ANKRD6: variants seen among roughly 807,000 people sequenced by gnomAD.
The protein encoded by ANKRD6 is ankyrin repeat domain 6.
In ANKRD6, 56 loss-of-function variants were observed where a neutral mutation model predicts 82.3. The ratio of observed to expected loss-of-function variants is 0.68; its 90% CI spans 0.55 to 0.85. ANKRD6 has a LOEUF of 0.85. ANKRD6 is among the 40% of genes least tolerant of loss of function. The pLI is 0.00. For missense variants in ANKRD6, 852 were observed against 907.6 expected, an observed-to-expected ratio of 0.94 and a Z score of 0.79; for synonymous variants, 347 against 352.1, an observed-to-expected ratio of 0.99 and a Z score of 0.16.
At chr6:89,598,182 T>G (rs565623794) in intron 3 of ANKRD6, 24 of 985,292 alleles carry the variant, frequency 2.4e-5, no homozygotes, top group Non-Finnish European at 2.9e-5. Flanking sequence ...AATTTCAACC[T>G]GTGGAAACCA....
At chr6:89,477,697 G>C (rs1776217801) in intron 1 of ANKRD6, among the ~76,000 whole-genome samples, 1 of 150,808 alleles carries the variant, frequency 6.6e-6, no homozygotes, top group South Asian at 2.1e-4. Context: ...CATGAACCCG[G>C]GGGGTGGAGC....
chr6:89,621,793 A>T (rs759371127), intron 9 of ANKRD6, 129 bp from the exon 10 acceptor site: 3 of 877,488 alleles, frequency 3.4e-6, no homozygotes, highest in Middle Eastern at 2.1e-4. Context: ...TGCTTGCTTG[A>T]TGTGAACACC....
At chr6:89,488,085 CTGG>C (rs1280229613) in intron 1 of ANKRD6, among the ~76,000 whole-genome samples, 1 of 152,162 alleles carries the variant, frequency 6.6e-6, no homozygotes, top group Non-Finnish European at 1.5e-5. Flanking sequence ...TACCAAGTGC[CTGG>C]TGGTGACTCA....
chr6:89,519,822 T>C (rs755290097), intron 1 of ANKRD6, among the ~76,000 whole-genome samples: 4 of 152,238 alleles, frequency 2.6e-5, no homozygotes, highest in Admixed American at 6.5e-5. Context: ...ATCATCTCTT[T>C]AGAAATGCTA....
intron 2 of ANKRD6, among the ~76,000 whole-genome samples, chr6:89,583,084 C>G (rs1004828304): frequency 2.0e-5 from 3 of 152,124 alleles, no homozygotes; most frequent in Admixed American, 6.5e-5. Flanking sequence ...TTTAGTTGGT[C>G]TGGGATATGG....
chr6:89,612,167 A>G, intron 5 of ANKRD6, 105 bp from the exon 6 acceptor site: 1 of 966,174 alleles, frequency 1.0e-6, no homozygotes, highest in African/African-American at 1.6e-5. Context: ...AGAGAATGTG[A>G]GCGTTGCCTT....
chr6:89,554,945 G>A (rs547167382), intron 1 of ANKRD6, among the ~76,000 whole-genome samples: 390 of 152,132 alleles, frequency 2.6e-3, no homozygotes, highest in Non-Finnish European at 4.6e-3. Context: ...TTCATATCCT[G>A]GTTTTCTTTC....
intron 1 of ANKRD6, among the ~76,000 whole-genome samples, chr6:89,501,541 C>T (rs1779260090): frequency 6.6e-6 from 1 of 152,212 alleles, no homozygotes; most frequent in African/African-American, 2.4e-5. Context: ...TTATTCACAG[C>T]GTGGCTTTTA....
At chr6:89,504,563 GTTAAA>G (rs1779629633) in intron 1 of ANKRD6, among the ~76,000 whole-genome samples, 1 of 145,714 alleles carries the variant, frequency 6.9e-6, no homozygotes, top group South Asian at 2.2e-4. Context: ...TACCCGCCTG[GTTAAA>G]TTAAAAAAAA....
At chr6:89,438,278 C>T (rs1419088826) in intron 1 of ANKRD6, among the ~76,000 whole-genome samples, 1 of 152,210 alleles carries the variant, frequency 6.6e-6, no homozygotes, top group Non-Finnish European at 1.5e-5. Flanking sequence ...TCCTGGGTAG[C>T]TGTCCTTCAG....
At chr6:89,502,934 G>A (rs1014546085) in intron 1 of ANKRD6, among the ~76,000 whole-genome samples, 1 of 152,118 alleles carries the variant, frequency 6.6e-6, no homozygotes, top group Non-Finnish European at 1.5e-5. Flanking sequence ...CTTTGCTGCA[G>A]CTGCTTCTAT....
At chr6:89,621,678 A>C in intron 9 of ANKRD6, 1 of 507,414 alleles carries the variant, frequency 2.0e-6, no homozygotes, top group Non-Finnish European at 3.6e-6. Context: ...AGTTATTATC[A>C]TCATAGACTT....
chr6:89,493,340 A>G (rs936022862), intron 1 of ANKRD6, among the ~76,000 whole-genome samples: 1 of 151,632 alleles, frequency 6.6e-6, no homozygotes, highest in Non-Finnish European at 1.5e-5. Context: ...CTCTGCCTTC[A>G]TCTTTACTTC....
intron 1 of ANKRD6, among the ~76,000 whole-genome samples, chr6:89,501,471 CT>C (rs1361225178): frequency 6.6e-6 from 1 of 152,166 alleles, no homozygotes; most frequent in Non-Finnish European, 1.5e-5. Flanking sequence ...CTTAAACATT[CT>C]TTAGAAACAC....
At position 89,463,708 on chromosome 6, in the gene ANKRD6, C is replaced by T. The variant is rs1774485785; in HGVS notation, c.-144+30333C>T. Among the ~76,000 whole-genome samples the T allele has an allele frequency of 2.0e-5, 3 of 152,056 alleles. 1 individual carries two copies. The highest frequency in any genetic ancestry group is 4.1e-4 in the South Asian group (2 of 4,826). ...GGATTACAGGTGCCCGCCACCATGC[C>T]CAGCTAATTTCTTTGTATTTTTAGT... On this transcript the variant is annotated intron_variant, in intron 1 of 15. Coordinates refer to ENST00000339746, the MANE Select transcript of ANKRD6 (RefSeq NM_001242809.2).
intron 1 of ANKRD6, among the ~76,000 whole-genome samples, chr6:89,546,967 T>C (rs1785172568): frequency 6.6e-6 from 1 of 151,722 alleles, no homozygotes; most frequent in Non-Finnish European, 1.5e-5. Context: ...TCATTTTTTA[T>C]TTTGATTTTT....
intron 3 of ANKRD6, among the ~76,000 whole-genome samples, chr6:89,601,283 T>C (rs1476609747): frequency 1.3e-5 from 2 of 152,258 alleles, no homozygotes; most frequent in African/African-American, 4.8e-5. Context: ...AATAATAGTT[T>C]AGGATGCTGA....
At chr6:89,542,379 T>C (rs144735770) in intron 1 of ANKRD6, among the ~76,000 whole-genome samples, 1 of 152,374 alleles carries the variant, frequency 6.6e-6, no homozygotes, top group East Asian at 1.9e-4. Context: ...GAGCCATTAG[T>C]GTATTAGACA....
intron 1 of ANKRD6, among the ~76,000 whole-genome samples, chr6:89,530,289 C>A (rs1439766055): frequency 6.6e-6 from 1 of 151,412 alleles, no homozygotes; most frequent in African/African-American, 2.4e-5. Flanking sequence ...CAAGAATTAG[C>A]AAAATGTATG....
Sources: gnomAD v4.1 joint callset for allele counts (sites outside exome capture counted in the v4.1 genomes callset) on GRCh38, gnomAD v4.1.1 for gene constraint, MANE v1.5 for transcripts, NCBI Gene and HGNC (gene_info 2026-07-23, HGNC 2026-07-21) for gene names.